Variants in PCDHGA4 observed in about 807,000 individuals in gnomAD.
PCDHGA4 encodes protocadherin gamma subfamily A, 4, also known as protocadherin gamma-A4.
In PCDHGA4, 38 loss-of-function variants were observed where a neutral mutation model predicts 54.6. That is an observed-to-expected ratio of 0.70 (90% CI 0.54 to 0.91). PCDHGA4 has a LOEUF of 0.91. Ranked by LOEUF, PCDHGA4 falls within the 40% of genes least tolerant of loss-of-function variation. PCDHGA4 has a pLI of 0.00. For synonymous variants in PCDHGA4, 511 were observed against 512.9 expected, an observed-to-expected ratio of 1.00 and a Z score of 0.05; for missense variants, 1,298 against 1,220.9, an observed-to-expected ratio of 1.06 and a Z score of -0.94.
At chr5:141,508,859 G>C (rs1268915304) in intron 3 of PCDHGA4, among the ~76,000 whole-genome samples, 1 of 152,086 alleles carries the variant, frequency 6.6e-6, no homozygotes, top group Non-Finnish European at 1.5e-5. Flanking sequence ...CCCAGGCTGG[G>C]AAAGGCTGAA....
At chr5:141,466,993 T>G (rs2099133598) in intron 1 of PCDHGA4, among the ~76,000 whole-genome samples, 1 of 152,148 alleles carries the variant, frequency 6.6e-6, no homozygotes, top group African/African-American at 2.4e-5. Context: ...CCTTTTGGCA[T>G]TTTTTTGCAA....
rs745961736 is a variant in PCDHGA4, at chr5:141,372,460, A to G, written c.2514+14839A>G. On this transcript the variant is annotated intron_variant, in intron 1 of 3. Coordinates refer to ENST00000571252, the MANE Select transcript of PCDHGA4 (RefSeq NM_018917.4). ...CCCTCTGACCCTCAGGCGGAGCTAC[A>G]GTTTCACCTAGTAGTGGCGTTGGCC... 6.2e-5 allele frequency: 100 copies of G among 1,614,006 alleles called. 1 individual carries two copies. The South Asian group carries it at 1.1e-3, about 17-fold the overall frequency.
chr5:141,365,823 G>A lies in PCDHGA4; in HGVS notation c.2514+8202G>A, dbSNP rs778220021. The stretch of plus-strand genomic sequence containing the variant: ...TCCCTGGCTGAAGACACATTTCAGG[G>A]GGCGCCCTTGTCCTCCTATGTATCC... On this transcript the variant is annotated intron_variant, in intron 1 of 3. Coordinates refer to ENST00000571252, the MANE Select transcript of PCDHGA4 (RefSeq NM_018917.4). 8.7e-6 allele frequency: 14 copies of A among 1,613,794 alleles called. No individual in the cohort carries two copies. The South Asian group carries it at 1.2e-4, about 14-fold the overall frequency.
At chr5:141,417,001 A>G (rs1590037654) in intron 1 of PCDHGA4, 1 of 150,924 alleles carries the variant, frequency 6.6e-6, no homozygotes, top group African/African-American at 2.5e-5. Context: ...TTCATCTCAA[A>G]TAATTCTATT....
chr5:141,366,264 C>T, intron 1 of PCDHGA4: 1 of 1,613,686 alleles, frequency 6.2e-7, no homozygotes, highest in East Asian at 2.2e-5. Flanking sequence ...CTCGTGGTGG[C>T]CGTCGAAGAC....
chr5:141,409,056 C>T, intron 1 of PCDHGA4: 2 of 1,613,926 alleles, frequency 1.2e-6, no homozygotes, highest in South Asian at 1.1e-5. Context: ...CGAAGCACTG[C>T]CCAGAGCACA....
intron 1 of PCDHGA4, chr5:141,412,461 A>G (rs184499850): frequency 3.4e-4 from 52 of 152,338 alleles, no homozygotes; most frequent in African/African-American, 1.2e-3. Flanking sequence ...ACTATTCTAG[A>G]AGAGTACTTT....
chr5:141,388,809 G>A lies in PCDHGA4; in HGVS notation c.2514+31188G>A, dbSNP rs771582173. The A allele has an allele frequency of 1.2e-6, 2 of 1,613,930 alleles. No individual in the cohort carries two copies. Among genetic ancestry groups the A allele is most frequent in the Non-Finnish European group, 1.7e-6 (2 of 1,179,838 alleles). ...TGTTTTAAATACATTAGATTTTGAA[G>A]AAGTCAAAGAATATTCCATAGTTTT... is the stretch of plus-strand genomic sequence containing the variant. On this transcript the variant is annotated intron_variant, in intron 1 of 3. Transcript: ENST00000571252.
At chr5:141,381,763 A>G (rs1419623732) in intron 1 of PCDHGA4, among the ~76,000 whole-genome samples, 2 of 151,122 alleles carry the variant, frequency 1.3e-5, no homozygotes, top group Non-Finnish European at 2.9e-5. Context: ...CTACTACTAT[A>G]TAATCAATAA....
intron 1 of PCDHGA4, among the ~76,000 whole-genome samples, chr5:141,379,889 C>CTTTTTTTTTTTTTTGTTTTTTTTT (rs1775951854): frequency 2.0e-5 from 1 of 50,832 alleles, no homozygotes; most frequent in Non-Finnish European, 3.9e-5. Flanking sequence ...GTGAAAGCCT[C>CTTTTTTTTTTTTTTGTTTTTTTTT]TTTTTTTTTT....
At chr5:141,407,336 G>C (rs1005803062) in intron 1 of PCDHGA4, among the ~76,000 whole-genome samples, 1 of 152,124 alleles carries the variant, frequency 6.6e-6, no homozygotes, top group South Asian at 2.1e-4. Context: ...ATATTGAAAT[G>C]TATGTTAATT....
At chr5:141,428,154 T>G (rs760002801) in intron 1 of PCDHGA4, 29 of 1,578,806 alleles carry the variant, frequency 1.8e-5, no homozygotes, top group African/African-American at 1.3e-5. Flanking sequence ...CACGGGAACC[T>G]GCTGGTTGCT....
rs762196264 is a variant in PCDHGA4, at chr5:141,364,884, G to A, written c.2514+7263G>A. The stretch of plus-strand genomic sequence containing the variant: ...CACTTCTCTCTGGATGTGGTAAGCG[G>A]AACTGATGGACAAAAGTATCCGGAG... On this transcript the variant is annotated intron_variant, in intron 1 of 3. Transcript: ENST00000571252. 1.9e-6 allele frequency: 3 copies of A among 1,613,884 alleles called. No individual in the cohort carries two copies. The Admixed American group carries it at 5.0e-5, about 27-fold the overall frequency.
intron 1 of PCDHGA4, among the ~76,000 whole-genome samples, chr5:141,459,838 A>G (rs944807247): frequency 6.6e-6 from 1 of 152,098 alleles, no homozygotes; most frequent in Non-Finnish European, 1.5e-5. Flanking sequence ...TGTGTTGTCT[A>G]TTTGTATATC....
At chr5:141,387,782 A>C in intron 1 of PCDHGA4, 2 of 1,466,298 alleles carry the variant, frequency 1.4e-6, no homozygotes, top group Non-Finnish European at 1.8e-6. Context: ...TTGAACTGGA[A>C]CTGCAACTAA....
chr5:141,452,748 A>G (rs2098748275), intron 1 of PCDHGA4, among the ~76,000 whole-genome samples: 1 of 152,058 alleles, frequency 6.6e-6, no homozygotes, highest in Admixed American at 6.6e-5. Flanking sequence ...GAGAGAAGGA[A>G]GAAGGAAGGG....
chr5:141,476,366 G>T lies in PCDHGA4; in HGVS notation c.2515-18441G>T, dbSNP rs1025903110. The T allele has an allele frequency of 6.2e-7, 1 of 1,614,026 alleles. No individual in the cohort carries two copies. The highest frequency in any genetic ancestry group is 8.5e-7 in the Non-Finnish European group (1 of 1,180,028). On this transcript the variant is annotated intron_variant, in intron 1 of 3. Coordinates refer to ENST00000571252, the MANE Select transcript of PCDHGA4 (RefSeq NM_018917.4). The surrounding 1 kb of genome is among the most constrained non-coding windows in gnomAD (Gnocchi z 7.6). The stretch of plus-strand genomic sequence containing the variant: ...ATTCTTTGAGGTGAACCGGGAGACC[G>T]GAGAGATGTTTGTGAACGACCGTCT...
chr5:141,449,592 A>C (rs1344646010), intron 1 of PCDHGA4, among the ~76,000 whole-genome samples: 1 of 150,266 alleles, frequency 6.7e-6, no homozygotes, highest in African/African-American at 2.4e-5. Context: ...CTGTCTCAAA[A>C]AAAAAAAAAA....
chr5:141,376,378 G>A, intron 1 of PCDHGA4: 5 of 1,614,236 alleles, frequency 3.1e-6, no homozygotes, highest in Non-Finnish European at 4.2e-6. Context: ...ACTCGCGTAA[G>A]AGTCATCTGA....
Sources: allele counts gnomAD v4.1 joint callset (sites outside exome capture counted in the v4.1 genomes callset), GRCh38; gene constraint gnomAD v4.1.1; non-coding constraint Gnocchi (gnomAD v3.1); transcripts MANE v1.5; gene names NCBI Gene and HGNC (gene_info 2026-07-23, HGNC 2026-07-21).